The following UBASH3A variants were observed in gnomAD, a reference collection of about 807,000 sequenced individuals.
UBASH3A encodes the protein ubiquitin-associated and SH3 domain-containing protein A.
Under a neutral mutation model 73.5 loss-of-function variants are expected in UBASH3A, and 63 were observed. The ratio of observed to expected loss-of-function variants is 0.86; its 90% CI spans 0.70 to 1.06. The LOEUF is 1.06. Among genes scored for constraint, UBASH3A ranks in the 50% least tolerant of loss-of-function variants. UBASH3A has a pLI of 0.00. For synonymous variants in UBASH3A, 363 were observed against 351.1 expected (o/e 1.03, Z -0.38); for missense variants, 860 against 859.0 (o/e 1.00, Z -0.02).
chr21:42,405,247 C>T (rs1471322401), intron 1 of UBASH3A, among the ~76,000 whole-genome samples: 3 of 152,098 alleles, frequency 2.0e-5, no homozygotes, highest in Non-Finnish European at 2.9e-5. Context: ...AGGGCGGCCA[C>T]CGGGCACCGT....
chr21:42,444,355 G>C (rs1290833415), intron 13 of UBASH3A, among the ~76,000 whole-genome samples, 179 bp from the exon 14 acceptor site: 1 of 152,206 alleles, frequency 6.6e-6, no homozygotes, highest in Non-Finnish European at 1.5e-5. Flanking sequence ...ATCCATGAGC[G>C]AGGGTGGGAC....
chr21:42,416,726 G>A (rs1977952), intron 6 of UBASH3A, 115 bp downstream of exon 6: 140,699 of 1,023,396 alleles, frequency 0.14, 11,592 homozygotes, highest in African/African-American at 0.33. Flanking sequence ...GAGGTCAGGA[G>A]ATGGAGACCA....
intron 11 of UBASH3A, among the ~76,000 whole-genome samples, chr21:42,438,646 G>A (rs970545250): frequency 2.0e-5 from 3 of 152,172 alleles, no homozygotes; most frequent in Admixed American, 1.3e-4. Context: ...GGGGGTGACC[G>A]TGCCCATGGA....
At chr21:42,445,770 C>T (rs1421710562) in intron 14 of UBASH3A, among the ~76,000 whole-genome samples, 1 of 152,086 alleles carries the variant, frequency 6.6e-6, no homozygotes, top group Non-Finnish European at 1.5e-5. Flanking sequence ...GTGGTGTGTC[C>T]CAATTATGAT....
intron 7 of UBASH3A, among the ~76,000 whole-genome samples, chr21:42,423,920 C>A (rs117015911): frequency 2.0e-5 from 3 of 152,016 alleles, no homozygotes; most frequent in Non-Finnish European, 4.4e-5. Flanking sequence ...TGCTTATGGG[C>A]CAGTGAGGCA....
intron 9 of UBASH3A, 22 bp downstream of exon 9, chr21:42,432,224 C>T (rs750777123): frequency 1.9e-6 from 3 of 1,541,998 alleles, no homozygotes; most frequent in South Asian, 1.1e-5. Context: ...TCAGGCGGGT[C>T]TACGGACAGA....
chr21:42,409,322 A>T, intron 2 of UBASH3A, 100 bp from the exon 3 acceptor site: 2 of 1,235,722 alleles, frequency 1.6e-6, no homozygotes, highest in Non-Finnish European at 2.2e-6. Context: ...TGTGCCCTAT[A>T]ATTCTGCATT....
At chr21:42,422,389 T>A (rs956239949) in intron 7 of UBASH3A, among the ~76,000 whole-genome samples, 67 of 152,350 alleles carry the variant, frequency 4.4e-4, no homozygotes, top group African/African-American at 1.5e-3. Context: ...GTGCCATGCA[T>A]TTCCCTTACT....
chr21:42,432,460 G>A (rs1414019163), intron 9 of UBASH3A, among the ~76,000 whole-genome samples: 2 of 135,734 alleles, frequency 1.5e-5, no homozygotes, highest in African/African-American at 6.3e-5. Context: ...CTGCTTAACA[G>A]ATGGACGTAT....
At chr21:42,427,705 C>T (rs544921374) in intron 8 of UBASH3A, among the ~76,000 whole-genome samples, 52 of 152,326 alleles carry the variant, frequency 3.4e-4, no homozygotes, top group Admixed American at 5.2e-4. Flanking sequence ...GTGCCCACCA[C>T]GGCCAGGCCC....
chr21:42,416,518 G>T lies in UBASH3A; in HGVS notation c.744G>T (p.Thr248=), dbSNP rs780832562. Residue 248 remains threonine (T), a synonymous_variant, in exon 6 of 15, where the codon ACG becomes ACT. Transcript: ENST00000319294. ...AHKFYPHHQR[T]LEQLARAIPL... is the part of the protein sequence containing the mutation. ...AGTTCTACCCCCACCACCAGAGGAC[G>T]CTGGAGCAGCTGGCCAGAGCCATCC... 1.2e-6 allele frequency: 2 copies of T among 1,612,030 alleles called. No individual in the cohort carries two copies. Among genetic ancestry groups the T allele is most frequent in the Non-Finnish European group, 1.7e-6 (2 of 1,179,178 alleles).
At chr21:42,427,905 C>A (rs1338986634) in intron 8 of UBASH3A, among the ~76,000 whole-genome samples, 1 of 152,196 alleles carries the variant, frequency 6.6e-6, no homozygotes, top group African/African-American at 2.4e-5. Context: ...GAATTGTGTG[C>A]CTCCAAAATT....
At chr21:42,409,834 G>A (rs1380476159) in intron 3 of UBASH3A, among the ~76,000 whole-genome samples, 2 of 151,860 alleles carry the variant, frequency 1.3e-5, no homozygotes, top group Non-Finnish European at 2.9e-5. Flanking sequence ...TCCCCTTTTT[G>A]AGTCTTCTCC....
chr21:42,420,331 G>A (rs555571527), intron 7 of UBASH3A, among the ~76,000 whole-genome samples: 1 of 152,174 alleles, frequency 6.6e-6, no homozygotes, highest in African/African-American at 2.4e-5. Context: ...TATGCAAATA[G>A]TTGTTATACG....
At chr21:42,438,014 G>A (rs1359076490) in intron 11 of UBASH3A, among the ~76,000 whole-genome samples, 1 of 152,214 alleles carries the variant, frequency 6.6e-6, no homozygotes, top group African/African-American at 2.4e-5. Flanking sequence ...TGTGTGTCAG[G>A]AAGTCCTGGG....
chr21:42,447,346 C>T lies in UBASH3A; in HGVS notation c.*152C>T. 1 of 840,734 alleles carries T rather than the reference C, an allele frequency of 1.2e-6. No homozygotes were observed. The highest frequency in any genetic ancestry group is 1.8e-6 in the Non-Finnish European group (1 of 560,962). 52.1% of individuals were successfully genotyped at this position (840,734 alleles called of 1,614,324 possible). On this transcript the variant is annotated 3_prime_UTR_variant, in exon 15 of 15. Transcript: ENST00000319294. ...CACTTTTATATCCCGGAATATTTCC[C>T]TCCGGCTTTCGCCTTTGTAACTCCC... is the stretch of plus-strand genomic sequence containing the variant.
rs2053267459 is a variant in UBASH3A, at chr21:42,418,474, T to C, written c.911T>C (p.Phe304Ser). The C allele has an allele frequency of 1.2e-6, 2 of 1,614,236 alleles. No homozygotes were observed. The highest frequency in any genetic ancestry group is 2.2e-5 in the East Asian group (1 of 44,880). Residue 304 changes from phenylalanine to serine, a missense_variant, in exon 7 of 15, where the codon TTT (phenylalanine) becomes TCT (serine). Phe to Ser is a radical substitution (Grantham distance 155). Coordinates refer to ENST00000319294, the MANE Select transcript of UBASH3A (RefSeq NM_018961.4). ...ELTLSPGDYI[F>S]VDPTQQDEAS... ...ACGCTAAGTCCTGGTGACTACATCT[T>C]TGTGGACCCCACGCAGCAGGACGAA...
chr21:42,417,420 A>G (rs2053234921), intron 6 of UBASH3A: 1 of 30,272 alleles, frequency 3.3e-5, no homozygotes, highest in Non-Finnish European at 6.4e-5. Context: ...CGAGACTGGC[A>G]AAAAAAAAAA....
chr21:42,421,990 C>A (rs2053346031), intron 7 of UBASH3A, among the ~76,000 whole-genome samples: 1 of 152,128 alleles, frequency 6.6e-6, no homozygotes, highest in South Asian at 2.1e-4. Flanking sequence ...GTGACTATGG[C>A]TGATTTCTTT....
Sources: gnomAD v4.1 joint callset for allele counts (sites outside exome capture counted in the v4.1 genomes callset) on GRCh38, gnomAD v4.1.1 for gene constraint, MANE v1.5 for transcripts, NCBI Gene and HGNC (gene_info 2026-07-23, HGNC 2026-07-21) for gene names.